DEPTOR: variants seen among roughly 807,000 people sequenced by gnomAD.
The protein encoded by DEPTOR is DEP domain-containing mTOR-interacting protein.
Under a neutral mutation model 41.6 loss-of-function variants are expected in DEPTOR, and 41 were observed. The observed-to-expected ratio is 0.98, with a 90% CI of 0.77 to 1.28. The LOEUF (loss-of-function observed/expected upper bound fraction) is 1.28. Ranked by LOEUF, DEPTOR falls within the 50% of genes most tolerant of loss-of-function variation. DEPTOR has a pLI of 0.00. For synonymous variants in DEPTOR, 195 were observed against 192.3 expected (o/e 1.01, Z -0.12); for missense variants, 514 against 527.9 (o/e 0.97, Z 0.26).
intron 1 of DEPTOR, among the ~76,000 whole-genome samples, chr8:119,889,161 G>C (rs1484751598): frequency 6.6e-6 from 1 of 152,120 alleles, no homozygotes; most frequent in Non-Finnish European, 1.5e-5. Context: ...GAGTTAGGGA[G>C]TATTGAAGAT....
intron 4 of DEPTOR, among the ~76,000 whole-genome samples, chr8:119,971,770 C>A (rs1192552326): frequency 6.6e-6 from 1 of 152,148 alleles, no homozygotes; most frequent in Non-Finnish European, 1.5e-5. Flanking sequence ...GTGTCTGTTT[C>A]TGAGTCCTAA....
intron 8 of DEPTOR, among the ~76,000 whole-genome samples, chr8:120,011,797 T>C (rs1812534572): frequency 6.6e-6 from 1 of 152,372 alleles, no homozygotes; most frequent in East Asian, 1.9e-4. Context: ...TTACCTGATA[T>C]ATTTTTTCAA....
intron 7 of DEPTOR, among the ~76,000 whole-genome samples, chr8:120,007,651 C>T (rs1812464599): frequency 6.6e-6 from 1 of 152,162 alleles, no homozygotes; most frequent in Non-Finnish European, 1.5e-5. Context: ...AGTGGCATTG[C>T]CTCAGGCTGG....
intron 3 of DEPTOR, among the ~76,000 whole-genome samples, chr8:119,964,833 G>A (rs1445447989): frequency 6.6e-6 from 1 of 152,052 alleles, no homozygotes; most frequent in Non-Finnish European, 1.5e-5. Flanking sequence ...CAGCACTTTG[G>A]GAGGCCGAGA....
intron 4 of DEPTOR, among the ~76,000 whole-genome samples, chr8:119,970,437 T>G (rs992402593): frequency 2.6e-5 from 4 of 152,164 alleles, no homozygotes; most frequent in African/African-American, 9.7e-5. Context: ...TGTTGTGTCT[T>G]AGAAAGAAGC....
At chr8:119,943,141 T>A (rs1258185427) in intron 3 of DEPTOR, among the ~76,000 whole-genome samples, 2 of 152,188 alleles carry the variant, frequency 1.3e-5, no homozygotes. Flanking sequence ...CTTTGGCTTC[T>A]GGTTCAGCTC....
chr8:119,961,743 C>T (rs1221882019), intron 3 of DEPTOR, among the ~76,000 whole-genome samples: 1 of 152,072 alleles, frequency 6.6e-6, no homozygotes, highest in Non-Finnish European at 1.5e-5. Flanking sequence ...GTTTGGACTA[C>T]AATGATCTCC....
At chr8:119,972,622 CAAAAAAAA>C (rs59750717) in intron 4 of DEPTOR, among the ~76,000 whole-genome samples, 1 of 138,344 alleles carries the variant, frequency 7.2e-6, no homozygotes, top group South Asian at 2.3e-4. Flanking sequence ...GACTCTGTCT[CAAAAAAAA>C]AAAAAAAAAA....
chr8:119,984,616 G>A (rs1828806964), intron 4 of DEPTOR, among the ~76,000 whole-genome samples: 2 of 152,132 alleles, frequency 1.3e-5, no homozygotes, highest in African/African-American at 2.4e-5. Flanking sequence ...TTTTATGGCT[G>A]CATAGTATTC....
At chr8:119,990,053 T>C (rs1812127848) in intron 4 of DEPTOR, among the ~76,000 whole-genome samples, 1 of 152,244 alleles carries the variant, frequency 6.6e-6, no homozygotes, top group Non-Finnish European at 1.5e-5. Flanking sequence ...TAGTTTCTGA[T>C]AAACAAGATT....
chr8:119,880,472 A>G (rs1827285016), intron 1 of DEPTOR, among the ~76,000 whole-genome samples: 1 of 152,200 alleles, frequency 6.6e-6, no homozygotes, highest in Non-Finnish European at 1.5e-5. Flanking sequence ...GCACTATGAT[A>G]AGCTACAATA....
At position 119,954,885 on chromosome 8, in the gene DEPTOR, G is replaced by T. The variant is rs550411158; in HGVS notation, c.426-10347G>T. Among the ~76,000 whole-genome samples the T allele has an allele frequency of 1.5e-4, 22 of 150,406 alleles. 1 individual carries two copies. The South Asian group carries it at 4.4e-3, about 30-fold the overall frequency. ...GTGTGTGTGTGTGTGTTTTGAGACA[G>T]TCTTGCTCTGTTGCCCAGACTGGAG... On this transcript the variant is annotated intron_variant, in intron 3 of 8. Coordinates refer to ENST00000286234, the MANE Select transcript of DEPTOR (RefSeq NM_022783.4).
chr8:120,006,819 G>A lies in DEPTOR; in HGVS notation c.940G>A (p.Val314Ile). 2 of 1,614,140 alleles carry A rather than the reference G, an allele frequency of 1.2e-6. No individual in the cohort carries two copies. The highest frequency in any genetic ancestry group is 1.7e-6 in the Non-Finnish European group (2 of 1,180,016). Residue 314 changes from valine (V) to isoleucine (I), a missense_variant, in exon 7 of 9, where the codon GTC (valine) becomes ATC (isoleucine). Transcript: ENST00000286234. ...CNPKSVLKRP[V>I]TSEELLTPGA... ...TTGTCTGCCAGTGCTGAAGAGACCT[G>A]TCACCTCTGAGGAACTCCTTACTCC...
chr8:120,037,970 G>A (rs1490173015), intron 8 of DEPTOR, among the ~76,000 whole-genome samples: 1 of 152,130 alleles, frequency 6.6e-6, no homozygotes, highest in African/African-American at 2.4e-5. Flanking sequence ...CAAATGCAGT[G>A]TTCTTAAGAA....
At chr8:119,960,167 A>G (rs1394535790) in intron 3 of DEPTOR, among the ~76,000 whole-genome samples, 1 of 151,896 alleles carries the variant, frequency 6.6e-6, no homozygotes, top group Non-Finnish European at 1.5e-5. Flanking sequence ...GAGGTTGCAG[A>G]GAGCCAAGAT....
intron 1 of DEPTOR, among the ~76,000 whole-genome samples, chr8:119,876,902 G>A (rs1403340152): frequency 6.6e-6 from 1 of 152,178 alleles, no homozygotes. Flanking sequence ...ATGTATTAAT[G>A]AGCATTCAAC....
rs1416746040 is a variant in DEPTOR at position 120,017,457 on chromosome 8, T to C, written c.1101+8324T>C. 2.6e-5 allele frequency among the ~76,000 whole-genome samples: 4 copies of C among 152,236 alleles called. No homozygotes were observed. The East Asian group carries it at 7.7e-4, about 29-fold the overall frequency. On this transcript the variant is annotated intron_variant, in intron 8 of 8. Transcript: ENST00000286234. ...ATATTCTATTAAACCCTGAAATCCCTGGCAAACTGCTCATAGATGCGTGAC... is the reference window on the plus strand; with the variant it reads ...ATATTCTATTAAACCCTGAAATCCCCGGCAAACTGCTCATAGATGCGTGAC...
chr8:119,913,486 C>A (rs1827770658), intron 1 of DEPTOR, among the ~76,000 whole-genome samples: 1 of 152,162 alleles, frequency 6.6e-6, no homozygotes, highest in Non-Finnish European at 1.5e-5. Flanking sequence ...TACTTAGTGT[C>A]AGTCTATAGC....
At chr8:119,909,447 A>C (rs2129780677) in intron 1 of DEPTOR, among the ~76,000 whole-genome samples, 1 of 152,322 alleles carries the variant, frequency 6.6e-6, no homozygotes, top group African/African-American at 2.4e-5. Flanking sequence ...AATAGAGTTA[A>C]ATTTTCTGTC....
Sources: allele counts gnomAD v4.1 joint callset (sites outside exome capture counted in the v4.1 genomes callset), GRCh38; gene constraint gnomAD v4.1.1; transcripts MANE v1.5; gene names NCBI Gene and HGNC (gene_info 2026-07-23, HGNC 2026-07-21).